Variants in KCNU1 observed in about 807,000 individuals in gnomAD.
KCNU1 encodes potassium calcium-activated channel subfamily U member 1.
KCNU1 carries 93 observed loss-of-function variants against 126.8 expected under a neutral mutation model. The ratio of observed to expected loss-of-function variants is 0.73; its 90% CI spans 0.62 to 0.87. The LOEUF (loss-of-function observed/expected upper bound fraction) is 0.87. KCNU1 is among the 40% of genes least tolerant of loss of function. KCNU1 has a pLI of 0.00. For synonymous variants in KCNU1, 523 were observed against 494.2 expected (o/e 1.06, Z -0.77); for missense variants, 1,330 against 1,367.1 (o/e 0.97, Z 0.43).
At chr8:36,881,774 G>A (rs1806488033) in intron 19 of KCNU1, among the ~76,000 whole-genome samples, 1 of 144,466 alleles carries the variant, frequency 6.9e-6, no homozygotes, top group Non-Finnish European at 1.5e-5. Context: ...CCTACCTCAT[G>A]GTGTTGCTGG....
intron 24 of KCNU1, among the ~76,000 whole-genome samples, chr8:36,927,314 C>T (rs113363301): frequency 7.2e-5 from 11 of 152,290 alleles, no homozygotes; most frequent in African/African-American, 2.6e-4. Flanking sequence ...CTACCCTAAA[C>T]TCCTGACCCA....
intron 10 of KCNU1, among the ~76,000 whole-genome samples, chr8:36,832,377 T>C (rs937430926): frequency 1.3e-5 from 2 of 152,224 alleles, no homozygotes; most frequent in Non-Finnish European, 2.9e-5. Flanking sequence ...CGATATTGAT[T>C]CTTCCTACCC....
At chr8:36,846,272 C>T (rs1449837282) in intron 18 of KCNU1, among the ~76,000 whole-genome samples, 1 of 152,204 alleles carries the variant, frequency 6.6e-6, no homozygotes, top group African/African-American at 2.4e-5. Flanking sequence ...CAGCCTATAT[C>T]TGACCACTTG....
At chr8:36,869,534 A>G (rs1211243325) in intron 19 of KCNU1, among the ~76,000 whole-genome samples, 6 of 152,022 alleles carry the variant, frequency 3.9e-5, no homozygotes, top group Non-Finnish European at 7.4e-5. Flanking sequence ...CTCTTTGCCA[A>G]TGTCCAAGTC....
At chr8:36,786,001 T>A (rs542351847) in intron 1 of KCNU1, among the ~76,000 whole-genome samples, 88 of 152,220 alleles carry the variant, frequency 5.8e-4, no homozygotes, top group African/African-American at 2.1e-3. Context: ...TGCTTTTGAA[T>A]CTTGAGGAAA....
intron 10 of KCNU1, among the ~76,000 whole-genome samples, chr8:36,826,529 C>T (rs996708165): frequency 6.6e-6 from 1 of 151,958 alleles, no homozygotes; most frequent in African/African-American, 2.4e-5. Flanking sequence ...GAATTTCTTA[C>T]CCTCTCTTTT....
intron 2 of KCNU1, among the ~76,000 whole-genome samples, chr8:36,800,338 T>C (rs1318829113): frequency 3.3e-5 from 5 of 152,164 alleles, no homozygotes; most frequent in African/African-American, 1.2e-4. Context: ...TTAGATCCCA[T>C]TGTGAAAATC....
chr8:36,898,497 C>T (rs1807286745), intron 19 of KCNU1, among the ~76,000 whole-genome samples: 1 of 151,540 alleles, frequency 6.6e-6, no homozygotes, highest in African/African-American at 2.4e-5. Context: ...GGAAGTGGAT[C>T]AATACAATGA....
Position 36,840,498 on chromosome 8 carries a change from G to A in KCNU1, c.1554G>A (p.Leu518=), listed in dbSNP as rs1187515503. ...AACAGACCTGGAAGAAACACTTCTT[G>A]AATAGCATGAAAAACAAAATTCTGA... The part of the protein sequence containing the change: ...MPKQTWKKHF[L]NSMKNKILTQ... Residue 518 remains leucine (L), a synonymous_variant, in exon 15 of 27, where the codon TTG becomes TTA. Transcript: ENST00000399881. 2 of 1,610,754 alleles carry A rather than the reference G, an allele frequency of 1.2e-6. No individual in the cohort carries two copies. Among genetic ancestry groups the A allele is most frequent in the Non-Finnish European group, 1.7e-6 (2 of 1,177,596 alleles).
intron 2 of KCNU1, among the ~76,000 whole-genome samples, chr8:36,788,270 G>A (rs983552334): frequency 2.5e-4 from 38 of 151,972 alleles, no homozygotes; most frequent in African/African-American, 7.7e-4. Context: ...TTTAATAATC[G>A]TTGAGCATTG....
In KCNU1 at chr8:36,803,875, G is replaced by GATGA. The variant is rs146648215; in HGVS notation, c.316-137_316-134dup. On this transcript the variant is annotated intron_variant, in intron 2 of 26. Coordinates refer to ENST00000399881, the MANE Select transcript of KCNU1 (RefSeq NM_001031836.3). ...AAGTTGGACCTTGAATCGATAAACA[G>GATGA]ATGAATGAATGAATGAATACTAACA... is the stretch of plus-strand genomic sequence containing the variant. Among the ~76,000 whole-genome samples the GATGA allele has an allele frequency of 8.0e-3, 1,219 of 152,196 alleles. 4 individuals carry two copies. The highest frequency in any genetic ancestry group is 0.02 in the Middle Eastern group (6 of 294).
intron 10 of KCNU1, among the ~76,000 whole-genome samples, chr8:36,821,113 A>G (rs1208418513): frequency 6.6e-6 from 1 of 152,212 alleles, no homozygotes; most frequent in Non-Finnish European, 1.5e-5. Context: ...TCTGAGCCCA[A>G]TTTAGCACAC....
At chr8:36,850,997 T>G (rs898636171) in intron 18 of KCNU1, among the ~76,000 whole-genome samples, 4 of 152,228 alleles carry the variant, frequency 2.6e-5, no homozygotes, top group African/African-American at 9.6e-5. Context: ...TGTAGTAAGT[T>G]TGACACTGGG....
chr8:36,911,552 T>C (rs1008381972), intron 22 of KCNU1, among the ~76,000 whole-genome samples: 2 of 152,186 alleles, frequency 1.3e-5, no homozygotes, highest in Non-Finnish European at 2.9e-5. Context: ...GTTGAGAGAA[T>C]GAACCATGAT....
chr8:36,803,473 G>T (rs550496358), intron 2 of KCNU1, among the ~76,000 whole-genome samples: 27 of 150,834 alleles, frequency 1.8e-4, no homozygotes, highest in Non-Finnish European at 2.8e-4. Context: ...ATTTTACAGA[G>T]GCACTGGCAT....
chr8:36,785,231 A>G (rs1465548884), intron 1 of KCNU1, among the ~76,000 whole-genome samples: 1 of 152,258 alleles, frequency 6.6e-6, no homozygotes, highest in East Asian at 1.9e-4. Flanking sequence ...ATGATGTATT[A>G]TACAGATAAG....
At chr8:36,882,500 G>A (rs538237705) in intron 19 of KCNU1, among the ~76,000 whole-genome samples, 332 of 152,124 alleles carry the variant, frequency 2.2e-3, no homozygotes, top group African/African-American at 7.6e-3. Flanking sequence ...TTCTCATTGC[G>A]TCTACAAAAG....
intron 19 of KCNU1, among the ~76,000 whole-genome samples, chr8:36,867,988 C>G (rs571652184): frequency 2.0e-5 from 3 of 152,120 alleles, no homozygotes; most frequent in Non-Finnish European, 4.4e-5. Context: ...ATGATTAATT[C>G]CCTTGCACTT....
intron 3 of KCNU1, 78 bp from the exon 4 acceptor site, chr8:36,805,117 C>G: frequency 1.0e-6 from 1 of 965,106 alleles, no homozygotes; most frequent in Non-Finnish European, 1.6e-6. Flanking sequence ...TTTTCCTATT[C>G]TTTCCCTTTA....
Sources: gnomAD v4.1 joint callset for allele counts (sites outside exome capture counted in the v4.1 genomes callset) on GRCh38, gnomAD v4.1.1 for gene constraint, MANE v1.5 for transcripts, NCBI Gene and HGNC (gene_info 2026-07-23, HGNC 2026-07-21) for gene names.